TET3: variants seen among roughly 807,000 people sequenced by gnomAD.
TET3 encodes the protein methylcytosine dioxygenase TET3.
In TET3, 19 loss-of-function variants were observed where a neutral mutation model predicts 141.4. The ratio of observed to expected loss-of-function variants is 0.13; its 90% CI spans 0.09 to 0.20. The LOEUF (loss-of-function observed/expected upper bound fraction) is 0.20. Among genes scored for constraint, TET3 ranks in the 10% least tolerant of loss-of-function variants. The probability of loss-of-function intolerance (pLI) is 1.00; values close to 1 mark genes in which losing one functional copy is unlikely to be tolerated. For synonymous variants in TET3, 1,043 were observed against 980.9 expected (o/e 1.06, Z -1.18); for missense variants, 1,874 against 2,356.9 (o/e 0.80, Z 4.24).
At chr2:74,049,502 C>T (rs908478501) in intron 4 of TET3, among the ~76,000 whole-genome samples, 7 of 152,080 alleles carry the variant, frequency 4.6e-5, no homozygotes, top group African/African-American at 1.4e-4. Context: ...CAGGTCCACT[C>T]GGCCCCCACA....
intron 4 of TET3, among the ~76,000 whole-genome samples, chr2:74,049,933 G>A (rs999824165): frequency 6.6e-6 from 1 of 152,094 alleles, no homozygotes; most frequent in Non-Finnish European, 1.5e-5. Flanking sequence ...GATATGACTA[G>A]TAACGACATG....
rs1420004000 is a variant in TET3 at position 74,047,915 on chromosome 2, A to G, written c.1998A>G (p.Leu666=). The change falls in exon 4 of 12, where the codon CTA becomes CTG. Residue 666 remains leucine (L), a synonymous_variant. Transcript: ENST00000409262. ...VPLPPEPSLA[L]FAPSPSRDSL... ...TGCCCCCAGAACCTTCTCTTGCGCT[A>G]TTTGCACCTAGTCCCTCCAGGGACA... 1.2e-6 allele frequency: 2 copies of G among 1,612,766 alleles called. No individual in the cohort carries two copies. The highest frequency in any genetic ancestry group is 1.7e-6 in the Non-Finnish European group (2 of 1,179,594).
At chr2:74,113,744 A>T in the TET3 span, among the ~76,000 whole-genome samples, 1 of 152,164 alleles carries the variant, frequency 6.6e-6, no homozygotes, top group African/African-American at 2.4e-5. Context: ...AAATTTAACC[A>T]AGGAGGTGAA....
intron 3 of TET3, among the ~76,000 whole-genome samples, chr2:74,040,984 G>A (rs1414342624): frequency 2.0e-5 from 3 of 152,320 alleles, no homozygotes; most frequent in Non-Finnish European, 2.9e-5. Flanking sequence ...TCTGAGCTGG[G>A]ATGGGTCTGA....
At chr2:74,099,693 G>T in intron 11 of TET3, 81 bp downstream of exon 11, 1 of 1,348,616 alleles carries the variant, frequency 7.4e-7, no homozygotes, top group Non-Finnish European at 1.0e-6. Flanking sequence ...GCACCCTCCT[G>T]CATCACACTG....
At position 74,099,530 on chromosome 2, in the gene TET3, G is replaced by A. The variant is rs752215491; in HGVS notation, c.3522G>A (p.Lys1174=). 2.5e-6 allele frequency: 4 copies of A among 1,612,032 alleles called. No individual in the cohort carries two copies. Among genetic ancestry groups the A allele is most frequent in the East Asian group, 4.5e-5 (2 of 44,816 alleles). Residue 1174 remains lysine, a synonymous_variant, in exon 11 of 12, where the codon AAG becomes AAA. Coordinates refer to ENST00000409262, the MANE Select transcript of TET3 (RefSeq NM_001287491.2). ...CCAGAAAGGCAGCAGCCGAGAAGAA[G>A]AAGATTCAGAAGGAGAAGCTGAGCA... ...LEARKAAAEK[K]KIQKEKLSTP...
chr2:73,990,848 A>G (rs1346739582), intron 2 of TET3, among the ~76,000 whole-genome samples: 2 of 152,182 alleles, frequency 1.3e-5, no homozygotes, highest in Non-Finnish European at 2.9e-5. Flanking sequence ...GTGGAGAGGA[A>G]TGTGTTCAGG....
the TET3 span, among the ~76,000 whole-genome samples, chr2:74,133,202 C>T: frequency 6.6e-6 from 1 of 152,070 alleles, no homozygotes; most frequent in Non-Finnish European, 1.5e-5. Context: ...GCGTGAGCCA[C>T]CGTGCCCAGC....
chr2:73,995,065 T>G (rs1335463577), intron 2 of TET3, among the ~76,000 whole-genome samples: 1 of 152,204 alleles, frequency 6.6e-6, no homozygotes, highest in Non-Finnish European at 1.5e-5. Flanking sequence ...GTTCAAGTGA[T>G]TCTCCTGCCT....
At chr2:74,020,919 C>G (rs1686004828) in intron 3 of TET3, among the ~76,000 whole-genome samples, 1 of 152,182 alleles carries the variant, frequency 6.6e-6, no homozygotes, top group Non-Finnish European at 1.5e-5. Flanking sequence ...TCATTTATCC[C>G]GTGGTCTGTG....
At chr2:74,062,182 G>GCC (rs1286969973) in intron 4 of TET3, among the ~76,000 whole-genome samples, 10 of 152,350 alleles carry the variant, frequency 6.6e-5, no homozygotes, top group African/African-American at 2.2e-4. Flanking sequence ...ACCTCGGGAG[G>GCC]CCGAGGCTGG....
chr2:74,047,358 C>A lies in TET3; in HGVS notation c.1441C>A (p.Pro481Thr). 6.2e-7 allele frequency: 1 copy of A among 1,613,958 alleles called. No individual in the cohort carries two copies. The highest frequency in any genetic ancestry group is 8.5e-7 in the Non-Finnish European group (1 of 1,179,886). The stretch of plus-strand genomic sequence containing the variant: ...TTACATCCAGTCAGTATTCAAGCGG[C>A]CTGAGGCCCTGCCTACCAAGCCCAA... ...SDYIQSVFKR[P>T]EALPTKPKVK... The change falls in exon 4 of 12, where the codon CCT becomes ACT. Residue 481 changes from proline (P) to threonine (T), a missense_variant. Around this residue, in one of 10 missense-constraint regions of TET3, gnomAD observed 484 missense variants for 462.2 expected, o/e 1.05. Transcript: ENST00000409262.
At chr2:74,021,285 A>T (rs1299198986) in intron 3 of TET3, among the ~76,000 whole-genome samples, 1 of 152,166 alleles carries the variant, frequency 6.6e-6, no homozygotes, top group African/African-American at 2.4e-5. Flanking sequence ...TGACAGATGG[A>T]CCTCCATGAA....
Position 74,101,588 on chromosome 2 carries a change from G to A in TET3, c.4800G>A (p.Glu1600=). 2 of 1,610,058 alleles carry A rather than the reference G, an allele frequency of 1.2e-6. No individual in the cohort carries two copies. Among genetic ancestry groups the A allele is most frequent in the Non-Finnish European group, 1.7e-6 (2 of 1,178,078 alleles). ...TGTTTGGGGCTCTGAAGTCAGAGGA[G>A]AAGCTGTGGGACCCCTTCAGCCTGG... ...EKLFGALKSE[E]KLWDPFSLEE... The change falls in exon 12 of 12, where the codon GAG becomes GAA. Residue 1600 remains glutamate, a synonymous_variant. Coordinates refer to ENST00000409262, the MANE Select transcript of TET3 (RefSeq NM_001287491.2). This position sits in a 1 kb window ranked among gnomAD's most constrained non-coding sequence, Gnocchi z 8.5.
intron 10 of TET3, among the ~76,000 whole-genome samples, chr2:74,096,935 T>A (rs1004292786): frequency 2.7e-5 from 4 of 150,672 alleles, no homozygotes; most frequent in African/African-American, 9.8e-5. Context: ...CTACAAAAAA[T>A]ACCAAAAATT....
intron 3 of TET3, among the ~76,000 whole-genome samples, chr2:74,011,310 T>A (rs35612417): frequency 0.025 from 3,728 of 151,792 alleles, 74 homozygotes; most frequent in Middle Eastern, 0.058. Context: ...GTTTGGTGAA[T>A]TTTCAGAGTA....
At chr2:73,983,747 C>G (rs1314786437), upstream of TET3, among the ~76,000 whole-genome samples, 1 of 152,252 alleles carries the variant, frequency 6.6e-6, no homozygotes, top group Non-Finnish European at 1.5e-5. Context: ...TGCCAGGTAC[C>G]TGGCTCCGTG....
At chr2:73,997,308 A>G (rs903150307) in intron 2 of TET3, among the ~76,000 whole-genome samples, 2 of 152,210 alleles carry the variant, frequency 1.3e-5, no homozygotes, top group Admixed American at 6.5e-5. Context: ...TGGGGAGGAC[A>G]TGGGTGGCTC....
At position 74,089,150 on chromosome 2, in the gene TET3, C is replaced by T. The variant is rs937804839; in HGVS notation, c.2889-747C>T. On this transcript the variant is annotated intron_variant, in intron 7 of 11. Transcript: ENST00000409262. ...TCCCCCCGAAGTGCCCCATGCATGCCCTTTATAAGCAAGCCCTCCCCTAGC... is the reference window on the plus strand; with the variant it reads ...TCCCCCCGAAGTGCCCCATGCATGCTCTTTATAAGCAAGCCCTCCCCTAGC... 4.5e-4 allele frequency among the ~76,000 whole-genome samples: 68 copies of T among 151,796 alleles called. 1 individual carries two copies. The highest frequency in any genetic ancestry group is 2.7e-3 in the South Asian group (13 of 4,798).
Sources: gnomAD v4.1 joint callset for allele counts (sites outside exome capture counted in the v4.1 genomes callset) on GRCh38, gnomAD v4.1.1 for gene constraint, gnomAD v4.1.1 regional missense constraint, Gnocchi (gnomAD v3.1) non-coding constraint, MANE v1.5 for transcripts, NCBI Gene and HGNC (gene_info 2026-07-23, HGNC 2026-07-21) for gene names.